Variants in CNTNAP2 observed in about 807,000 individuals in gnomAD.
CNTNAP2 encodes contactin associated protein 2.
In CNTNAP2, 98 loss-of-function variants were observed where a neutral mutation model predicts 155.2. The observed-to-expected ratio is 0.63, with a 90% CI of 0.54 to 0.75. CNTNAP2 has a LOEUF of 0.75. Ranked by LOEUF, CNTNAP2 falls within the 30% of genes least tolerant of loss-of-function variation. CNTNAP2 has a pLI of 0.00. For missense variants in CNTNAP2, 1,727 were observed against 1,688.1 expected, an observed-to-expected ratio of 1.02 and a Z score of -0.40; for synonymous variants, 651 against 631.2, an observed-to-expected ratio of 1.03 and a Z score of -0.47.
chr7:147,302,619 C>G (rs533835496), intron 9 of CNTNAP2, among the ~76,000 whole-genome samples: 55 of 152,288 alleles, frequency 3.6e-4, no homozygotes, highest in African/African-American at 1.3e-3. Flanking sequence ...CTTTGAAATT[C>G]AAGAGAATGA....
chr7:148,206,555 C>G (rs1795452648), intron 18 of CNTNAP2, among the ~76,000 whole-genome samples: 1 of 152,154 alleles, frequency 6.6e-6, no homozygotes, highest in Non-Finnish European at 1.5e-5. Flanking sequence ...GCACCTGCAG[C>G]CGTACATCAC....
At chr7:148,016,570 G>A (rs1043822925) in intron 15 of CNTNAP2, among the ~76,000 whole-genome samples, 3 of 152,196 alleles carry the variant, frequency 2.0e-5, no homozygotes, top group Admixed American at 1.3e-4. Flanking sequence ...ACAGAGCTTC[G>A]CAAGAGAAAC....
At chr7:147,358,034 T>C (rs1218478453) in intron 9 of CNTNAP2, among the ~76,000 whole-genome samples, 3 of 152,176 alleles carry the variant, frequency 2.0e-5, no homozygotes, top group African/African-American at 7.2e-5. Flanking sequence ...ACCAGTGTGA[T>C]TTATGTAATA....
intron 9 of CNTNAP2, among the ~76,000 whole-genome samples, chr7:147,358,847 C>A (rs1320240729): frequency 6.6e-6 from 1 of 152,072 alleles, no homozygotes; most frequent in Non-Finnish European, 1.5e-5. Context: ...ACTCCCTAAG[C>A]ATAGATGAAC....
At chr7:146,824,221 C>T (rs1428543527) in intron 2 of CNTNAP2, among the ~76,000 whole-genome samples, 2 of 152,078 alleles carry the variant, frequency 1.3e-5, no homozygotes, top group Non-Finnish European at 2.9e-5. Context: ...TGAACTCATT[C>T]TTTTTTATGG....
chr7:146,413,723 T>A (rs1045980680), intron 1 of CNTNAP2, among the ~76,000 whole-genome samples: 2 of 152,210 alleles, frequency 1.3e-5, no homozygotes, highest in Non-Finnish European at 1.5e-5. Flanking sequence ...GCATGTGAGA[T>A]TTCAACTACT....
At chr7:146,793,995 C>T (rs977874739) in intron 2 of CNTNAP2, among the ~76,000 whole-genome samples, 5 of 152,222 alleles carry the variant, frequency 3.3e-5, no homozygotes, top group African/African-American at 9.6e-5. Flanking sequence ...CAGCCAGTCT[C>T]TCTCACCGGG....
intron 18 of CNTNAP2, among the ~76,000 whole-genome samples, chr7:148,196,403 G>C (rs1187535104): frequency 6.6e-6 from 1 of 152,156 alleles, no homozygotes; most frequent in Non-Finnish European, 1.5e-5. Flanking sequence ...GAACTGGGGG[G>C]ATCTGGGTCC....
intron 1 of CNTNAP2, among the ~76,000 whole-genome samples, chr7:146,293,377 A>G (rs1459267078): frequency 1.3e-5 from 2 of 152,170 alleles, no homozygotes; most frequent in Non-Finnish European, 2.9e-5. Context: ...AATGGATTAG[A>G]AAATCGCTCT....
chr7:148,174,675 CTG>C, intron 18 of CNTNAP2, among the ~76,000 whole-genome samples: 1 of 152,352 alleles, frequency 6.6e-6, no homozygotes, highest in African/African-American at 2.4e-5. Context: ...GGCAAACAAA[CTG>C]TGAGAATACA....
intron 11 of CNTNAP2, among the ~76,000 whole-genome samples, chr7:147,497,987 TAAG>T (rs1169600933): frequency 6.6e-6 from 1 of 152,120 alleles, no homozygotes; most frequent in African/African-American, 2.4e-5. Context: ...TTCTCAATAA[TAAG>T]GATTCCTGCC....
intron 1 of CNTNAP2, among the ~76,000 whole-genome samples, chr7:146,283,402 C>G (rs932563013): frequency 3.9e-5 from 6 of 152,100 alleles, no homozygotes; most frequent in African/African-American, 1.4e-4. Context: ...AGGTCTTGCT[C>G]TGTGGCTCAG....
At position 146,326,642 on chromosome 7, in the gene CNTNAP2, G is replaced by T. The variant is rs536041744; in HGVS notation, c.97+209669G>T. On this transcript the variant is annotated intron_variant, in intron 1 of 23. Coordinates refer to ENST00000361727, the MANE Select transcript of CNTNAP2 (RefSeq NM_014141.6). ...CCGCAGGAAGCTATTAAAGTGCATAGACAGGTACATACACCAATCAAACTT... is the reference window on the plus strand; with the variant it reads ...CCGCAGGAAGCTATTAAAGTGCATATACAGGTACATACACCAATCAAACTT... 2.0e-5 allele frequency among the ~76,000 whole-genome samples: 3 copies of T among 152,274 alleles called. No homozygotes were observed. The South Asian group carries it at 6.2e-4, about 32-fold the overall frequency.
In CNTNAP2 at chr7:147,631,358, C is replaced by T. The variant is rs541099966; in HGVS notation, c.1898-7748C>T. Among the ~76,000 whole-genome samples the T allele has an allele frequency of 3.9e-3, 597 of 152,194 alleles. 3 individuals carry two copies. The highest frequency in any genetic ancestry group is 6.5e-3 in the Non-Finnish European group (442 of 67,970). ...ATGACACAAACAAATGGAAACACAA[C>T]CCAATGCTCATGGATGGGTAGAATC... On this transcript the variant is annotated intron_variant, in intron 12 of 23. Transcript: ENST00000361727.
At chr7:147,479,191 C>G (rs1348912952) in intron 10 of CNTNAP2, among the ~76,000 whole-genome samples, 2 of 152,196 alleles carry the variant, frequency 1.3e-5, no homozygotes, top group African/African-American at 4.8e-5. Context: ...CCAGGCTACT[C>G]AAGTCTAAAC....
intron 21 of CNTNAP2, among the ~76,000 whole-genome samples, chr7:148,315,383 G>A (rs988049446): frequency 1.3e-5 from 2 of 152,166 alleles, no homozygotes; most frequent in Non-Finnish European, 2.9e-5. Context: ...AAGGGGGGTT[G>A]TTCTCTGGCG....
intron 23 of CNTNAP2, among the ~76,000 whole-genome samples, chr7:148,411,105 T>G (rs1226372084): frequency 1.3e-5 from 2 of 152,184 alleles, no homozygotes; most frequent in Non-Finnish European, 2.9e-5. Context: ...AGCTACATAA[T>G]AATTTGACTC....
At chr7:148,128,739 C>T (rs1027374443) in intron 16 of CNTNAP2, among the ~76,000 whole-genome samples, 1 of 152,122 alleles carries the variant, frequency 6.6e-6, no homozygotes, top group Non-Finnish European at 1.5e-5. Context: ...CCACTCATGT[C>T]CTGATCTGGA....
rs191664389 is a variant in CNTNAP2, at chr7:147,607,244, C to A, written c.1898-31862C>A. Reference sequence around the variant, plus strand: ...AAGTTCAGAGAAAGCCCCTCCCTGCCCTTCTGGGAGAAGGGGTCAAGAAAC... The same window carrying A: ...AAGTTCAGAGAAAGCCCCTCCCTGCACTTCTGGGAGAAGGGGTCAAGAAAC... On this transcript the variant is annotated intron_variant, in intron 12 of 23. Coordinates refer to ENST00000361727, the MANE Select transcript of CNTNAP2 (RefSeq NM_014141.6). Among the ~76,000 whole-genome samples, 37 of 127,368 alleles carry A rather than the reference C, an allele frequency of 2.9e-4. 1 individual carries two copies. Among genetic ancestry groups the A allele is most frequent in the African/African-American group, 8.6e-4 (27 of 31,496 alleles). The allele number at this position is 127,368 out of a possible 152,430, so 83.6% of individuals were successfully genotyped here.
Sources: allele counts gnomAD v4.1 joint callset (sites outside exome capture counted in the v4.1 genomes callset), GRCh38; gene constraint gnomAD v4.1.1; transcripts MANE v1.5; gene names NCBI Gene and HGNC (gene_info 2026-07-23, HGNC 2026-07-21).